The following DMD variants were observed in gnomAD, a reference collection of about 807,000 sequenced individuals.
The protein encoded by DMD is dystrophin.
DMD carries 63 observed loss-of-function variants against 330.1 expected under a neutral mutation model. That is an observed-to-expected ratio of 0.19 (90% CI 0.16 to 0.24). The LOEUF (loss-of-function observed/expected upper bound fraction) is 0.24, where lower values mean the gene tolerates loss of function less well. Among genes scored for constraint, DMD ranks in the 10% least tolerant of loss-of-function variants. DMD has a pLI of 1.00. For missense variants in DMD, 3,344 were observed against 2,684.1 expected (o/e 1.25, Z -5.43); for synonymous variants, 1,223 against 959.8 (o/e 1.27, Z -5.07).
intron 7 of DMD, among the ~76,000 whole-genome samples, chrX:32,773,115 C>T (rs760834698): frequency 8.9e-6 from 1 of 112,064 alleles, no homozygotes; most frequent in Non-Finnish European, 1.9e-5. Context: ...TTAACAAGCT[C>T]AGCTTTGGGT....
intron 50 of DMD, among the ~76,000 whole-genome samples, chrX:31,790,366 G>A (rs2149309481): frequency 9.0e-6 from 1 of 111,377 alleles, no homozygotes; most frequent in Admixed American, 9.6e-5. Flanking sequence ...AAAATTAGGT[G>A]ACTTGAACAG....
intron 60 of DMD, among the ~76,000 whole-genome samples, chrX:31,431,257 G>C (rs1384987936): frequency 9.0e-6 from 1 of 111,568 alleles, no homozygotes; most frequent in East Asian, 2.8e-4. Flanking sequence ...ATCAAACTGA[G>C]ATAATAAAGA....
At chrX:32,341,142 G>T (rs996773577) in intron 41 of DMD, among the ~76,000 whole-genome samples, 11 of 111,770 alleles carry the variant, frequency 9.8e-5, no homozygotes, top group African/African-American at 2.6e-4. Context: ...TACATGGGCT[G>T]AACCCTATGC....
chrX:32,696,254 T>A (rs1436620366), intron 9 of DMD, among the ~76,000 whole-genome samples: 1 of 111,944 alleles, frequency 8.9e-6, no homozygotes, highest in East Asian at 2.8e-4. Flanking sequence ...TTTTGACACT[T>A]TTGAAATAAA....
intron 2 of DMD, among the ~76,000 whole-genome samples, chrX:32,963,560 G>T (rs1027399534): frequency 8.9e-6 from 1 of 112,291 alleles, no homozygotes; most frequent in Non-Finnish European, 1.9e-5. Flanking sequence ...TAAGTAAGTT[G>T]TCAATAACTA....
rs1195781476 is a variant in DMD at position 32,942,713 on chromosome X, C to CAT, written c.93+77424_93+77425dup. Among the ~76,000 whole-genome samples, 14 of 111,801 alleles carry CAT rather than the reference C, an allele frequency of 1.3e-4. No individual in the cohort carries two copies. In the South Asian group the frequency reaches 1.5e-3, roughly 12 times the overall value. ...TTTATGGTGCTATAATAATAGTGTACATACTGTTTATATGTTTTCAATTTT... is the reference window on the plus strand; with the variant it reads ...TTTATGGTGCTATAATAATAGTGTACATATACTGTTTATATGTTTTCAATTTT... On this transcript the variant is annotated intron_variant, in intron 2 of 78. Coordinates refer to ENST00000357033, the MANE Select transcript of DMD (RefSeq NM_004006.3).
At chrX:33,015,938 CACTG>C (rs1431173832) in intron 2 of DMD, among the ~76,000 whole-genome samples, 1 of 110,955 alleles carries the variant, frequency 9.0e-6, no homozygotes, top group Non-Finnish European at 1.9e-5. Context: ...ACTGTTTCAG[CACTG>C]ACTGAGTGGT....
intron 9 of DMD, among the ~76,000 whole-genome samples, chrX:32,658,803 G>A (rs949437982): frequency 9.0e-6 from 1 of 111,497 alleles, no homozygotes; most frequent in Admixed American, 9.6e-5. Flanking sequence ...ACCAGTGGCC[G>A]CATTCGGGAA....
At chrX:32,001,078 T>C (rs1179722014) in intron 44 of DMD, among the ~76,000 whole-genome samples, 1 of 111,509 alleles carries the variant, frequency 9.0e-6, no homozygotes, top group Non-Finnish European at 1.9e-5. Context: ...AAAGTGCTTT[T>C]ACCTATCAGT....
intron 44 of DMD, among the ~76,000 whole-genome samples, chrX:32,065,268 T>C (rs1245116467): frequency 9.0e-6 from 1 of 111,509 alleles, no homozygotes; most frequent in Non-Finnish European, 1.9e-5. Flanking sequence ...CAAAGTTTTG[T>C]TTCTCCTTGT....
intron 1 of DMD, among the ~76,000 whole-genome samples, chrX:33,160,651 G>A (rs899021822): frequency 4.5e-5 from 5 of 112,150 alleles, no homozygotes; most frequent in African/African-American, 1.6e-4. Context: ...CTTAGATTGC[G>A]ATCTTTTGAA....
At chrX:33,335,251 C>T (rs1370901403) in intron 1 of DMD, among the ~76,000 whole-genome samples, 1 of 108,281 alleles carries the variant, frequency 9.2e-6, no homozygotes, top group Non-Finnish European at 1.9e-5. Context: ...ATAATATATA[C>T]ATATACCATA....
intron 44 of DMD, among the ~76,000 whole-genome samples, chrX:32,059,960 C>T (rs758587175): frequency 1.2e-3 from 129 of 111,419 alleles, no homozygotes; most frequent in Non-Finnish European, 2.0e-3. Flanking sequence ...TAAATGCATA[C>T]TCCATCCATA....
chrX:32,813,581 T>C (rs2077519627), intron 6 of DMD, among the ~76,000 whole-genome samples: 1 of 112,055 alleles, frequency 8.9e-6, no homozygotes, highest in African/African-American at 3.2e-5. Flanking sequence ...AAACATTCGT[T>C]TCTATTATTT....
chrX:32,446,804 G>C (rs1392322705), intron 27 of DMD, among the ~76,000 whole-genome samples: 2 of 110,013 alleles, frequency 1.8e-5, no homozygotes, highest in African/African-American at 6.6e-5. Flanking sequence ...GAGAGGTATA[G>C]AGAAATATTT....
At chrX:31,806,068 T>TA (rs1257785905) in intron 50 of DMD, among the ~76,000 whole-genome samples, 5 of 112,155 alleles carry the variant, frequency 4.5e-5, no homozygotes, top group Non-Finnish European at 9.4e-5. Flanking sequence ...TTCTGGCTTG[T>TA]AAAACCCAAA....
At chrX:32,146,385 G>T (rs1301614432) in intron 44 of DMD, among the ~76,000 whole-genome samples, 1 of 111,408 alleles carries the variant, frequency 9.0e-6, no homozygotes, top group Admixed American at 9.6e-5. Flanking sequence ...AGAGAGAGAA[G>T]TAACTGAGTG....
At chrX:33,064,214 T>C (rs1263294527) in intron 1 of DMD, among the ~76,000 whole-genome samples, 4 of 111,378 alleles carry the variant, frequency 3.6e-5, no homozygotes, top group Non-Finnish European at 7.5e-5. Context: ...TTTTTATACA[T>C]AGAATGAAAT....
intron 44 of DMD, among the ~76,000 whole-genome samples, chrX:32,083,852 G>A (rs957626372): frequency 7.1e-5 from 8 of 112,341 alleles, no homozygotes; most frequent in African/African-American, 2.3e-4. Flanking sequence ...GCTGTTCATC[G>A]CAGCCACATT....
Sources: allele counts gnomAD v4.1 joint callset (sites outside exome capture counted in the v4.1 genomes callset), GRCh38; gene constraint gnomAD v4.1.1; transcripts MANE v1.5; gene names NCBI Gene and HGNC (gene_info 2026-07-23, HGNC 2026-07-21).